Variants in C7 observed in about 807,000 individuals in gnomAD.
The protein encoded by C7 is complement C7.
C7 carries 83 observed loss-of-function variants against 104.8 expected under a neutral mutation model. The ratio of observed to expected loss-of-function variants is 0.79; its 90% confidence interval spans 0.66 to 0.95. The LOEUF (loss-of-function observed/expected upper bound fraction) is 0.95. Among genes scored for constraint, C7 ranks in the 40% least tolerant of loss-of-function variants. The pLI is 0.00. For synonymous variants in C7, 415 were observed against 360.6 expected (o/e 1.15, Z -1.71); for missense variants, 1,070 against 1,011.2 (o/e 1.06, Z -0.79).
intron 14 of C7, among the ~76,000 whole-genome samples, chr5:40,971,195 C>T (rs1226545714): frequency 6.6e-6 from 1 of 152,202 alleles, no homozygotes; most frequent in Non-Finnish European, 1.5e-5. Context: ...AGTTTACACT[C>T]CTACCAATAG....
At chr5:40,944,255 T>C (rs1740001035) in intron 6 of C7, among the ~76,000 whole-genome samples, 1 of 152,234 alleles carries the variant, frequency 6.6e-6, no homozygotes, top group Non-Finnish European at 1.5e-5. Flanking sequence ...GGAGTCTTCT[T>C]GCCTGATTTG....
At chr5:40,939,072 A>G (rs1739876211) in intron 6 of C7, among the ~76,000 whole-genome samples, 1 of 152,172 alleles carries the variant, frequency 6.6e-6, no homozygotes, top group Non-Finnish European at 1.5e-5. Flanking sequence ...TTCAGCTTTT[A>G]ATATTGATTA....
intron 16 of C7, among the ~76,000 whole-genome samples, chr5:40,979,133 G>C (rs910293248): frequency 1.3e-5 from 2 of 151,962 alleles, no homozygotes; most frequent in African/African-American, 4.8e-5. Context: ...ACCTGCGTTG[G>C]CCTCCCAAAG....
chr5:40,920,154 C>A (rs1232880031), intron 1 of C7, among the ~76,000 whole-genome samples: 2 of 151,998 alleles, frequency 1.3e-5, no homozygotes, highest in Non-Finnish European at 2.9e-5. Flanking sequence ...CTATCATCAA[C>A]AATTATACAT....
At position 40,959,512 on chromosome 5, in the gene C7, C is replaced by A. The variant is rs1740377342; in HGVS notation, c.1553C>A (p.Thr518Lys). 1 of 1,611,408 alleles carries A rather than the reference C, an allele frequency of 6.2e-7. No individual in the cohort carries two copies. The highest frequency in any genetic ancestry group is 1.7e-5 in the Admixed American group (1 of 59,848). Residue 518 changes from threonine (T) to lysine (K), a missense_variant, in exon 12 of 18, where the codon ACA (threonine) becomes AAA (lysine). Coordinates refer to ENST00000313164, the MANE Select transcript of C7 (RefSeq NM_000587.4). ...AGCCCCTGTGTCCAAGGGAAGAAAA[C>A]AAGAAGCCGTGAATGCAATAACCCA... ...SWSPCVQGKK[T>K]RSRECNNPPP...
rs535182452 is a variant in C7 at position 40,930,960 on chromosome 5, A to G, written c.63-104A>G. Reference sequence around the variant, plus strand: ...CTTTTAGTGTCTCTTCGGAAAAAATATTTGAGGCAACATTTAACTATTTTT... The same window carrying G: ...CTTTTAGTGTCTCTTCGGAAAAAATGTTTGAGGCAACATTTAACTATTTTT... On this transcript the variant is annotated intron_variant, in intron 2 of 17. Coordinates refer to ENST00000313164, the MANE Select transcript of C7 (RefSeq NM_000587.4). 653 of 793,552 alleles carry G rather than the reference A, an allele frequency of 8.2e-4. 1 individual carries two copies. The highest frequency in any genetic ancestry group is 1.1e-3 in the Non-Finnish European group (502 of 468,556). The allele number at this position is 793,552 out of a possible 1,614,324, so 49.2% of individuals were successfully genotyped here.
chr5:40,941,995 G>C (rs543501815), intron 6 of C7, among the ~76,000 whole-genome samples: 1 of 152,164 alleles, frequency 6.6e-6, no homozygotes, highest in African/African-American at 2.4e-5. Context: ...GAGAAAAAAA[G>C]AAAACTAGAA....
At chr5:40,962,761 C>T (rs10941528) in intron 13 of C7, among the ~76,000 whole-genome samples, 29,306 of 152,108 alleles carry the variant, frequency 0.19, 3,438 homozygotes, top group South Asian at 0.37. Context: ...GTCTTTATGA[C>T]GAGGCTTTGG....
intron 6 of C7, among the ~76,000 whole-genome samples, chr5:40,943,934 A>G (rs1266255371): frequency 1.3e-5 from 2 of 152,044 alleles, no homozygotes; most frequent in African/African-American, 4.8e-5. Context: ...TCTGTCTTGT[A>G]TTTTTTGACT....
intron 13 of C7, 34 bp downstream of exon 13, chr5:40,962,206 TG>T: frequency 8.1e-7 from 1 of 1,241,890 alleles, no homozygotes; most frequent in Non-Finnish European, 1.1e-6. Context: ...TCCTTTATAA[TG>T]CTCTAACTTC....
At chr5:40,953,421 T>C (rs1006460410) in intron 9 of C7, among the ~76,000 whole-genome samples, 1 of 151,918 alleles carries the variant, frequency 6.6e-6, no homozygotes, top group Non-Finnish European at 1.5e-5. Context: ...GGTGGGTGGA[T>C]CATGAGGTTA....
chr5:40,949,725 C>A (rs1452150001), intron 8 of C7, among the ~76,000 whole-genome samples, 179 bp from the exon 9 acceptor site: 2 of 152,102 alleles, frequency 1.3e-5, no homozygotes, highest in Non-Finnish European at 2.9e-5. Context: ...AGGAAAATAA[C>A]AAAAGTCAAT....
At chr5:40,976,313 A>G (rs1740818675) in intron 15 of C7, among the ~76,000 whole-genome samples, 1 of 152,212 alleles carries the variant, frequency 6.6e-6, no homozygotes, top group Non-Finnish European at 1.5e-5. Context: ...GTTTATAAGC[A>G]CCAGCTTCTT....
intron 15 of C7, 127 bp downstream of exon 15, chr5:40,972,721 G>T (rs1740727816): frequency 1.4e-6 from 1 of 713,364 alleles, no homozygotes; most frequent in Non-Finnish European, 2.3e-6. Flanking sequence ...CCTTAAGATA[G>T]GGTCAGTTTG....
At chr5:40,968,081 T>G (rs773285414) in intron 14 of C7, among the ~76,000 whole-genome samples, 3 of 152,144 alleles carry the variant, frequency 2.0e-5, no homozygotes, top group Non-Finnish European at 4.4e-5. Context: ...ATCATTTTTT[T>G]GTTTGTTTTC....
At chr5:40,932,347 A>G (rs1739703604) in intron 3 of C7, among the ~76,000 whole-genome samples, 1 of 152,108 alleles carries the variant, frequency 6.6e-6, no homozygotes, top group Non-Finnish European at 1.5e-5. Context: ...AACATTTTTG[A>G]ATGTAGATAT....
intron 15 of C7, among the ~76,000 whole-genome samples, chr5:40,972,927 A>AT (rs959486961): frequency 1.3e-5 from 2 of 151,960 alleles, no homozygotes; most frequent in African/African-American, 2.4e-5. Flanking sequence ...TTTCCTCTAG[A>AT]TTTTTTTCCC....
Position 40,931,920 on chromosome 5 carries a change from G to A in C7, c.138+781G>A, listed in dbSNP as rs536739265. Among the ~76,000 whole-genome samples, 15 of 152,132 alleles carry A rather than the reference G, an allele frequency of 9.9e-5. No individual in the cohort carries two copies. In the East Asian group the frequency reaches 1.2e-3, roughly 12 times the overall value. ...ACTACAGGCACGTGCCACTACACCC[G>A]GCTAATTTTTTGTATTTTTAGTAGA... On this transcript the variant is annotated intron_variant, in intron 3 of 17. Coordinates refer to ENST00000313164, the MANE Select transcript of C7 (RefSeq NM_000587.4).
intron 2 of C7, among the ~76,000 whole-genome samples, chr5:40,929,362 T>C (rs2111574251): frequency 6.6e-6 from 1 of 152,254 alleles, no homozygotes; most frequent in Middle Eastern, 3.4e-3. Flanking sequence ...CCTCTCCATT[T>C]CCCCAGGACA....
Sources: gnomAD v4.1 joint callset for allele counts (sites outside exome capture counted in the v4.1 genomes callset) on GRCh38, gnomAD v4.1.1 for gene constraint, MANE v1.5 for transcripts, NCBI Gene and HGNC (gene_info 2026-07-23, HGNC 2026-07-21) for gene names.